The following SPMIP2 variants were observed in gnomAD, a reference collection of about 807,000 sequenced individuals.
The protein encoded by SPMIP2 is sperm microtubule inner protein 2, also known as protein SPMIP2.
the SPMIP2 span, among the ~76,000 whole-genome samples, chr4:158,962,253 C>T: frequency 1.3e-5 from 2 of 152,292 alleles, no homozygotes; most frequent in East Asian, 3.9e-4. Context: ...CTTTTAATCT[C>T]TAGTCTAGTC....
At chr4:159,037,226 A>C in the SPMIP2 span, among the ~76,000 whole-genome samples, 1 of 152,198 alleles carries the variant, frequency 6.6e-6, no homozygotes, top group African/African-American at 2.4e-5. Flanking sequence ...GCTGGAGGGA[A>C]GGGAAAATAT....
chr4:159,007,976 C>T, the SPMIP2 span: 1 of 367,330 alleles, frequency 2.7e-6, no homozygotes, highest in South Asian at 2.1e-5. Context: ...GTGGCATGCG[C>T]CTGTAGTCCC....
At chr4:158,898,824 A>C in the SPMIP2 span, among the ~76,000 whole-genome samples, 38 of 152,198 alleles carry the variant, frequency 2.5e-4, no homozygotes, top group East Asian at 6.4e-3. Flanking sequence ...AATACGCTTT[A>C]TTTCTTTCTC....
At chr4:158,923,641 G>GATCATGTTAT in the SPMIP2 span, among the ~76,000 whole-genome samples, 1 of 152,038 alleles carries the variant, frequency 6.6e-6, no homozygotes, top group Non-Finnish European at 1.5e-5. Flanking sequence ...TTACATATAA[G>GATCATGTTAT]ATCATGTTAT....
chr4:159,051,267 T>G, the SPMIP2 span, among the ~76,000 whole-genome samples: 1 of 152,188 alleles, frequency 6.6e-6, no homozygotes, highest in Non-Finnish European at 1.5e-5. Context: ...AGTGATATGT[T>G]TTCTGGAAAA....
chr4:159,063,100 T>C, the SPMIP2 span, among the ~76,000 whole-genome samples: 1 of 152,166 alleles, frequency 6.6e-6, no homozygotes, highest in Non-Finnish European at 1.5e-5. Context: ...CTCACAATGA[T>C]AATTACAGAA....
At chr4:158,999,185 C>CAA in the SPMIP2 span, among the ~76,000 whole-genome samples, 18 of 144,586 alleles carry the variant, frequency 1.2e-4, no homozygotes, top group South Asian at 2.2e-4. Flanking sequence ...AAAAAAACAA[C>CAA]AAAAAAAAAC....
chr4:158,903,004 C>T, the SPMIP2 span, among the ~76,000 whole-genome samples: 3 of 152,154 alleles, frequency 2.0e-5, no homozygotes, highest in East Asian at 1.9e-4. Context: ...CGTTCTGTCT[C>T]GCTAGCATTC....
At chr4:158,979,919 C>T in the SPMIP2 span, among the ~76,000 whole-genome samples, 24 of 151,800 alleles carry the variant, frequency 1.6e-4, no homozygotes, top group Non-Finnish European at 3.5e-4. Flanking sequence ...CGGATCCCCT[C>T]CCCACAGAAC....
chr4:158,966,371 G>T, the SPMIP2 span, among the ~76,000 whole-genome samples: 1 of 152,202 alleles, frequency 6.6e-6, no homozygotes, highest in African/African-American at 2.4e-5. Flanking sequence ...TTCCTCCAGT[G>T]ATCTTAAAAA....
the SPMIP2 span, chr4:158,895,720 C>T: frequency 1.5e-6 from 2 of 1,371,880 alleles, no homozygotes. Context: ...TGACTTCTAG[C>T]CCTCATTGTG....
chr4:158,979,804 T>G, the SPMIP2 span, among the ~76,000 whole-genome samples: 16 of 148,582 alleles, frequency 1.1e-4, no homozygotes, highest in South Asian at 1.7e-3. Context: ...TTTTTTTTTT[T>G]TTTTTTTTTT....
chr4:159,051,917 CT>C, the SPMIP2 span, among the ~76,000 whole-genome samples: 1 of 152,222 alleles, frequency 6.6e-6, no homozygotes, highest in South Asian at 2.1e-4. Flanking sequence ...TTCATTTCCT[CT>C]CCTTCACAGG....
At chr4:159,061,298 T>C in the SPMIP2 span, among the ~76,000 whole-genome samples, 93 of 151,894 alleles carry the variant, frequency 6.1e-4, no homozygotes, top group Non-Finnish European at 1.2e-3. Context: ...GTATTTTTGT[T>C]CCCTGTCCCC....
the SPMIP2 span, among the ~76,000 whole-genome samples, chr4:158,930,191 GTCTCTC>G: frequency 4.9e-5 from 7 of 144,142 alleles, no homozygotes; most frequent in African/African-American, 1.3e-4. Flanking sequence ...GAGGATCTCA[GTCTCTC>G]TCTCTCTCTC....
the SPMIP2 span, among the ~76,000 whole-genome samples, chr4:159,049,986 G>T: frequency 6.6e-6 from 1 of 152,182 alleles, no homozygotes; most frequent in Non-Finnish European, 1.5e-5. Flanking sequence ...GCAATCTCTT[G>T]ATAACATGTC....
At chr4:159,032,114 TA>T in the SPMIP2 span, among the ~76,000 whole-genome samples, 2 of 151,806 alleles carry the variant, frequency 1.3e-5, no homozygotes, top group Non-Finnish European at 2.9e-5. Flanking sequence ...TCCAGCTACT[TA>T]GGAGGCTGAG....
At chr4:158,971,319 G>A in the SPMIP2 span, among the ~76,000 whole-genome samples, 1 of 152,246 alleles carries the variant, frequency 6.6e-6, no homozygotes, top group Admixed American at 6.5e-5. Flanking sequence ...CTGGTGGTTA[G>A]TTTGATATTT....
the SPMIP2 span, among the ~76,000 whole-genome samples, chr4:159,074,931 C>T: frequency 6.6e-6 from 1 of 152,122 alleles, no homozygotes; most frequent in African/African-American, 2.4e-5. Flanking sequence ...GATGCAATTT[C>T]TTGGGGCTGG....
Sources: allele counts gnomAD v4.1 joint callset (sites outside exome capture counted in the v4.1 genomes callset), GRCh38; gene constraint gnomAD v4.1.1; transcripts MANE v1.5; gene names NCBI Gene and HGNC (gene_info 2026-07-23, HGNC 2026-07-21).